The following METTL6 variants were observed in gnomAD, a reference collection of about 807,000 sequenced individuals.
METTL6 encodes tRNA N(3)-cytidine methyltransferase METTL6.
Under a neutral mutation model 26.4 loss-of-function variants are expected in METTL6, and 22 were observed. The ratio of observed to expected loss-of-function variants is 0.83; its 90% CI spans 0.59 to 1.19. METTL6 has a LOEUF of 1.19. METTL6 is among the 50% of genes most tolerant of loss of function. The pLI, the probability that METTL6 is intolerant of heterozygous loss-of-function variation, is 0.00. For synonymous variants in METTL6, 109 were observed against 116.2 expected (o/e 0.94, Z 0.40); for missense variants, 304 against 324.8 (o/e 0.94, Z 0.49).
chr3:15,426,590 G>T lies in METTL6; in HGVS notation c.-79C>A, dbSNP rs1048566442. 7 of 1,316,972 alleles carry T rather than the reference G, an allele frequency of 5.3e-6. No individual in the cohort carries two copies. In the African/African-American group the frequency reaches 1.0e-4, roughly 19 times the overall value. The allele number at this position is 1,316,972 out of a possible 1,614,324, so 81.6% of individuals were successfully genotyped here. Reference sequence around the variant, plus strand: ...AATATGAATCCACGCTAATGGATCAGATACATTTCCTGAGGTGAGTTTCAC... The same window carrying T: ...AATATGAATCCACGCTAATGGATCATATACATTTCCTGAGGTGAGTTTCAC... On this transcript the variant is annotated 5_prime_UTR_variant, in exon 2 of 6. The change creates a new upstream start codon in the 5' untranslated region. Transcript: ENST00000383790.
chr3:15,411,157 A>G lies in METTL6; in HGVS notation c.*99T>C. The G allele has an allele frequency of 2.2e-6, 3 of 1,348,072 alleles. No homozygotes were observed. Among genetic ancestry groups the G allele is most frequent in the Non-Finnish European group, 2.0e-6 (2 of 991,236 alleles). The allele number at this position is 1,348,072 out of a possible 1,614,324, so 83.5% of individuals were successfully genotyped here. ...TGATCCCCCAACCTCGGCCTCCCGA[A>G]GTGCTGGGATTACAGGCATGAGCCA... is the stretch of plus-strand genomic sequence containing the variant. On this transcript the variant is annotated 3_prime_UTR_variant, in exon 6 of 6. Transcript: ENST00000383790.
At position 15,420,528 on chromosome 3, in the gene METTL6, G is replaced by A. The variant is rs79362068; in HGVS notation, c.360+4427C>T. On this transcript the variant is annotated intron_variant, in intron 3 of 5. Coordinates refer to ENST00000383790, the MANE Select transcript of METTL6 (RefSeq NM_152396.4). ...GTACACATCATTACATTTGTACTGC[G>A]TCAGGAGAAAAGGAGGAGAATAAAG... is the stretch of plus-strand genomic sequence containing the variant. Among the ~76,000 whole-genome samples the A allele has an allele frequency of 4.8e-3, 737 of 152,282 alleles. 17 individuals are homozygous for A. Among genetic ancestry groups the A allele is most frequent in the Admixed American group, 0.032 (484 of 15,292 alleles).
intron 6 of METTL6, among the ~76,000 whole-genome samples, chr3:15,400,401 G>A (rs1699609189): frequency 6.6e-6 from 1 of 152,118 alleles, no homozygotes. Flanking sequence ...ATAAATTTGT[G>A]TGTCTTTCCT....
chr3:15,419,908 C>A (rs1342295548), intron 3 of METTL6, among the ~76,000 whole-genome samples: 1 of 147,974 alleles, frequency 6.8e-6, no homozygotes, highest in Non-Finnish European at 1.5e-5. Flanking sequence ...ATCACCCAGG[C>A]TGGAGTGCAG....
In METTL6 at chr3:15,414,082, G is replaced by A; in HGVS notation, c.612C>T (p.Ser204=). ...TAACATAAAAGTTTTCTCCAAGTTTGCTGCTGGCTTTAAACCTAAGCATGG... is the reference window on the plus strand; with the variant it reads ...TAACATAAAAGTTTTCTCCAAGTTTACTGCTGGCTTTAAACCTAAGCATGG... The part of the protein sequence containing the change: ...DHAMLRFKAS[S]KLGENFYVRQ... Residue 204 remains serine, a synonymous_variant, in exon 5 of 6, where the codon AGC becomes AGT. Transcript: ENST00000383790. 2 of 1,614,138 alleles carry A rather than the reference G, an allele frequency of 1.2e-6. No individual in the cohort carries two copies. The highest frequency in any genetic ancestry group is 1.7e-6 in the Non-Finnish European group (2 of 1,180,034).
In METTL6 at chr3:15,415,869, T is replaced by C; in HGVS notation, c.434A>G (p.His145Arg). ...AACATCCACAGACTCTGGCGGTACA[T>C]GATCCAGAAGATCATCTTTAGTCAG... ...CDLTKDDLLD[H>R]VPPESVDVVM... Residue 145 changes from histidine (H) to arginine (R), a missense_variant, in exon 4 of 6, where the codon CAT becomes CGT. Physicochemically the swap from His to Arg is conservative, Grantham distance 29 (BLOSUM62 0). Coordinates refer to ENST00000383790, the MANE Select transcript of METTL6 (RefSeq NM_152396.4). 1.9e-6 allele frequency: 3 copies of C among 1,614,204 alleles called. No homozygotes were observed. Among genetic ancestry groups the C allele is most frequent in the Non-Finnish European group, 2.5e-6 (3 of 1,180,036 alleles).
chr3:15,406,627 TATAG>T (rs1559485721), downstream of METTL6, among the ~76,000 whole-genome samples: 4 of 31,046 alleles, frequency 1.3e-4, no homozygotes, highest in Non-Finnish European at 1.6e-4. Flanking sequence ...TATATATATA[TATAG>T]AGAGAGAGAG....
chr3:15,416,553 C>G (rs1336874251), intron 3 of METTL6, among the ~76,000 whole-genome samples: 1 of 152,206 alleles, frequency 6.6e-6, no homozygotes, highest in Non-Finnish European at 1.5e-5. Flanking sequence ...CTATGTCCTG[C>G]TGGCCTCTGG....
At chr3:15,414,914 C>A in intron 4 of METTL6, 3 of 1,104,726 alleles carry the variant, frequency 2.7e-6, no homozygotes, top group Non-Finnish European at 2.3e-6. Flanking sequence ...ACAGCAAGAC[C>A]CTGTCTCAAA....
At position 15,411,245 on chromosome 3, in the gene METTL6, C is replaced by T. The variant is rs1273886665; in HGVS notation, c.*11G>A. The T allele has an allele frequency of 1.2e-6, 2 of 1,604,000 alleles. No homozygotes were observed. Among genetic ancestry groups the T allele is most frequent in the East Asian group, 2.2e-5 (1 of 44,738 alleles). ...TTCAAGGGAAGGTATAAATGCCAAC[C>T]TCATGAAAGGTCAGGACTTAGGATC... On this transcript the variant is annotated 3_prime_UTR_variant, in exon 6 of 6. Coordinates refer to ENST00000383790, the MANE Select transcript of METTL6 (RefSeq NM_152396.4).
chr3:15,420,012 C>G (rs890138950), intron 3 of METTL6, among the ~76,000 whole-genome samples: 1 of 151,942 alleles, frequency 6.6e-6, no homozygotes, highest in African/African-American at 2.4e-5. Flanking sequence ...CAGGCGCCCG[C>G]CACCATGCCC....
intron 6 of METTL6, among the ~76,000 whole-genome samples, chr3:15,396,451 C>T (rs1411734345): frequency 4.6e-5 from 7 of 152,172 alleles, no homozygotes; most frequent in Non-Finnish European, 1.0e-4. Context: ...TCCTTTAGCT[C>T]AGAGTAGTTT....
rs1474408764 is a variant in METTL6 at position 15,414,075 on chromosome 3, C to G, written c.619G>C (p.Gly207Arg). The G allele has an allele frequency of 1.9e-6, 3 of 1,614,086 alleles. No individual in the cohort carries two copies. Among genetic ancestry groups the G allele is most frequent in the Non-Finnish European group, 2.5e-6 (3 of 1,180,030 alleles). ...TCTTGTCTAACATAAAAGTTTTCTC[C>G]AAGTTTGCTGCTGGCTTTAAACCTA... ...MLRFKASSKLGENFYVRQDGT... is the reference protein window; with the variant it reads ...MLRFKASSKLRENFYVRQDGT... Residue 207 changes from glycine (G) to arginine (R), a missense_variant, in exon 5 of 6, where the codon GGA (glycine) becomes CGA (arginine). Coordinates refer to ENST00000383790, the MANE Select transcript of METTL6 (RefSeq NM_152396.4).
At chr3:15,390,939 C>A (rs1411769223) in intron 6 of METTL6, among the ~76,000 whole-genome samples, 4 of 151,938 alleles carry the variant, frequency 2.6e-5, no homozygotes, top group African/African-American at 4.8e-5. Context: ...GTAGTGTATG[C>A]AGAGGATTTT....
intron 5 of METTL6, chr3:15,413,742 A>G: frequency 1.3e-5 from 18 of 1,369,220 alleles, no homozygotes; most frequent in Non-Finnish European, 1.7e-5. Flanking sequence ...TTCCAGCACA[A>G]TTCCTAGTAG....
intron 3 of METTL6, among the ~76,000 whole-genome samples, chr3:15,423,283 C>G (rs1430231936): frequency 3.3e-5 from 5 of 152,152 alleles, no homozygotes; most frequent in African/African-American, 1.2e-4. Flanking sequence ...ATCCCAGCTA[C>G]TTGGAAGGCT....
Position 15,423,986 on chromosome 3 carries a change from C to T in METTL6, c.360+969G>A, listed in dbSNP as rs147167442. On this transcript the variant is annotated intron_variant, in intron 3 of 5. Coordinates refer to ENST00000383790, the MANE Select transcript of METTL6 (RefSeq NM_152396.4). The stretch of plus-strand genomic sequence containing the variant: ...TTTTGGGAGGCTGAGGCAGGTTGAT[C>T]ACCTGAGCCCAGGAGTTTGAGACCA... 2.0e-3 allele frequency among the ~76,000 whole-genome samples: 299 copies of T among 151,772 alleles called. 1 individual carries two copies. The highest frequency in any genetic ancestry group is 6.6e-3 in the African/African-American group (274 of 41,386).
intron 6 of METTL6, among the ~76,000 whole-genome samples, chr3:15,393,803 T>C (rs944474021): frequency 6.6e-6 from 1 of 152,242 alleles, no homozygotes; most frequent in Admixed American, 6.5e-5. Flanking sequence ...TTACATTTAT[T>C]GATTTGCATA....
At chr3:15,419,909 T>C (rs2061573320) in intron 3 of METTL6, among the ~76,000 whole-genome samples, 1 of 150,900 alleles carries the variant, frequency 6.6e-6, no homozygotes, top group South Asian at 2.1e-4. Context: ...TCACCCAGGC[T>C]GGAGTGCAGT....
Sources: allele counts gnomAD v4.1 joint callset (sites outside exome capture counted in the v4.1 genomes callset), GRCh38; gene constraint gnomAD v4.1.1; transcripts MANE v1.5; gene names NCBI Gene and HGNC (gene_info 2026-07-23, HGNC 2026-07-21).